The following RGS8 variants were observed in gnomAD, a reference collection of about 807,000 sequenced individuals.
RGS8 encodes the protein regulator of G protein signaling 8.
A neutral mutation model predicts 21.7 loss-of-function variants in RGS8; 8 were observed. That is an observed-to-expected ratio of 0.37 (90% confidence interval 0.22 to 0.66). The LOEUF (loss-of-function observed/expected upper bound fraction) is 0.66. Among genes scored for constraint, RGS8 ranks in the 30% least tolerant of loss-of-function variants. The pLI, the probability that RGS8 is intolerant of heterozygous loss-of-function variation, is 0.59. For missense variants in RGS8, 157 were observed against 217.9 expected (o/e 0.72, Z 1.76); for synonymous variants, 80 against 83.6 (o/e 0.96, Z 0.24).
the RGS8 span, among the ~76,000 whole-genome samples, chr1:182,752,230 C>T: frequency 2.0e-5 from 3 of 152,192 alleles, no homozygotes; most frequent in African/African-American, 4.8e-5. Context: ...AGCCAGCTGA[C>T]AGAACATTCC....
the RGS8 span, among the ~76,000 whole-genome samples, chr1:182,705,884 A>G: frequency 6.6e-6 from 1 of 152,310 alleles, no homozygotes; most frequent in East Asian, 1.9e-4. Context: ...GCAAGTGGGT[A>G]TGGGGCAGAG....
chr1:182,685,127 A>G (rs900375043), upstream of RGS8, among the ~76,000 whole-genome samples: 1 of 151,674 alleles, frequency 6.6e-6, no homozygotes, highest in African/African-American at 2.4e-5. Context: ...AAAGAGTGTA[A>G]TGCATGAAAT....
chr1:182,688,526 A>T (rs1163489386), upstream of RGS8, among the ~76,000 whole-genome samples: 1 of 152,212 alleles, frequency 6.6e-6, no homozygotes, highest in African/African-American at 2.4e-5. Flanking sequence ...ACCTGTGACT[A>T]TGTTGTCTTG....
chr1:182,673,365 A>T (rs1479545465), upstream of RGS8, among the ~76,000 whole-genome samples: 1 of 152,306 alleles, frequency 6.6e-6, no homozygotes, highest in Non-Finnish European at 1.5e-5. Flanking sequence ...AAGGTGATGT[A>T]CCTTTATCAA....
chr1:182,666,778 T>A, intron 4 of RGS8, 94 bp downstream of exon 5: 1 of 887,390 alleles, frequency 1.1e-6, no homozygotes, highest in Non-Finnish European at 1.9e-6. Context: ...GACAGGATTT[T>A]TCCAGTGGCT....
At chr1:182,686,534 G>A (rs563185930), upstream of RGS8, among the ~76,000 whole-genome samples, 37 of 152,294 alleles carry the variant, frequency 2.4e-4, no homozygotes, top group African/African-American at 8.2e-4. Context: ...AGCTCAGAAT[G>A]TGGGGCTTGG....
chr1:182,700,231 TAC>T, the RGS8 span, among the ~76,000 whole-genome samples: 1 of 152,170 alleles, frequency 6.6e-6, no homozygotes, highest in Non-Finnish European at 1.5e-5. Flanking sequence ...TTTTCAAAGC[TAC>T]TCTCAAAGGC....
chr1:182,711,472 T>C, the RGS8 span, among the ~76,000 whole-genome samples: 1 of 152,080 alleles, frequency 6.6e-6, no homozygotes, highest in African/African-American at 2.4e-5. Flanking sequence ...GGAAGCAAAA[T>C]AGGACACAGG....
exon 6 of RGS8, chr1:182,648,197 T>A: frequency 1.2e-6 from 2 of 1,613,572 alleles, no homozygotes; most frequent in East Asian, 2.2e-5. Context: ...TAGAGACCAG[T>A]TTTGCAGTTG....
upstream of RGS8, among the ~76,000 whole-genome samples, chr1:182,676,834 G>A (rs1225514703): frequency 6.6e-6 from 1 of 152,168 alleles, no homozygotes; most frequent in Non-Finnish European, 1.5e-5. Flanking sequence ...TACTAGCTCT[G>A]TGACCACCAA....
intron 5 of RGS8, among the ~76,000 whole-genome samples, chr1:182,662,952 G>T (rs1336656303): frequency 1.5e-5 from 2 of 129,842 alleles, no homozygotes; most frequent in African/African-American, 4.2e-5. Context: ...ATTGAGAATG[G>T]GGAGGGGGGG....
intron 3 of RGS8, among the ~76,000 whole-genome samples, chr1:182,668,016 C>T (rs1258894572): frequency 1.3e-5 from 2 of 152,076 alleles, no homozygotes; most frequent in East Asian, 1.9e-4. Flanking sequence ...GGTTGACAAA[C>T]TATAGCCCTG....
chr1:182,656,561 G>A (rs970958338), intron 5 of RGS8, among the ~76,000 whole-genome samples: 2 of 152,242 alleles, frequency 1.3e-5, no homozygotes, highest in African/African-American at 4.8e-5. Context: ...AGGGGATGCT[G>A]TAACGAAGAA....
chr1:182,648,919 G>C (rs1030562701), intron 5 of RGS8, among the ~76,000 whole-genome samples: 3 of 152,086 alleles, frequency 2.0e-5, no homozygotes, highest in African/African-American at 7.2e-5. Context: ...TGGCCAACAT[G>C]GCAAAACGTC....
At chr1:182,671,962 C>T (rs921060922), upstream of RGS8, 53 of 1,362,962 alleles carry the variant, frequency 3.9e-5, no homozygotes, top group East Asian at 8.6e-5. Flanking sequence ...GCTCAGCTCC[C>T]GGGCACAGTC....
the RGS8 span, among the ~76,000 whole-genome samples, chr1:182,744,289 C>T: frequency 1.3e-5 from 2 of 150,894 alleles, no homozygotes; most frequent in Non-Finnish European, 1.5e-5. Flanking sequence ...ATCTGGCTAA[C>T]TAAAAAAAAA....
intron 5 of RGS8, among the ~76,000 whole-genome samples, chr1:182,663,011 G>A (rs1663673838): frequency 6.6e-6 from 1 of 152,118 alleles, no homozygotes; most frequent in Non-Finnish European, 1.5e-5. Flanking sequence ...GGGGACAGCT[G>A]CCTACATGTA....
At chr1:182,716,319 T>A in the RGS8 span, among the ~76,000 whole-genome samples, 1 of 151,958 alleles carries the variant, frequency 6.6e-6, no homozygotes, top group African/African-American at 2.4e-5. Flanking sequence ...AAAGAAGGGG[T>A]TTCACTGTGT....
At chr1:182,736,527 T>A in the RGS8 span, among the ~76,000 whole-genome samples, 5 of 151,976 alleles carry the variant, frequency 3.3e-5, no homozygotes, top group Admixed American at 2.6e-4. Context: ...TTTGGGGTGA[T>A]TAGAATTTGG....
Sources: gnomAD v4.1 joint callset for allele counts (sites outside exome capture counted in the v4.1 genomes callset) on GRCh38, gnomAD v4.1.1 for gene constraint, MANE v1.5 for transcripts, NCBI Gene and HGNC (gene_info 2026-07-23, HGNC 2026-07-21) for gene names.